The following GAS2L3 variants were observed in gnomAD, a reference collection of about 807,000 sequenced individuals.
The protein encoded by GAS2L3 is growth arrest specific 2 like 3.
Under a neutral mutation model 37.0 loss-of-function variants are expected in GAS2L3, and 28 were observed. The ratio of observed to expected loss-of-function variants is 0.76; its 90% confidence interval spans 0.56 to 1.04. The LOEUF (loss-of-function observed/expected upper bound fraction) is 1.04, where lower values mean the gene tolerates loss of function less well. Among genes scored for constraint, GAS2L3 ranks in the 50% least tolerant of loss-of-function variants. The pLI, the probability that GAS2L3 is intolerant of heterozygous loss-of-function variation, is 0.00. For synonymous variants in GAS2L3, 290 were observed against 296.6 expected, an observed-to-expected ratio of 0.98 and a Z score of 0.23; for missense variants, 793 against 817.6, an observed-to-expected ratio of 0.97 and a Z score of 0.37.
At chr12:100,579,419 A>G in intron 1 of GAS2L3, 1 of 968,738 alleles carries the variant, frequency 1.0e-6, no homozygotes, top group East Asian at 2.4e-5. Context: ...GCATGATAGT[A>G]TAACTATTGT....
chr12:100,606,616 A>G (rs931475596), intron 5 of GAS2L3, among the ~76,000 whole-genome samples: 9 of 151,754 alleles, frequency 5.9e-5, no homozygotes, highest in Admixed American at 5.9e-4. Flanking sequence ...CTCTGGTGGT[A>G]TGCTTTAATT....
At chr12:100,578,877 A>G (rs1955671497) in intron 1 of GAS2L3, 2 of 779,580 alleles carry the variant, frequency 2.6e-6, no homozygotes, top group East Asian at 5.1e-5. Flanking sequence ...TTCTACCCAA[A>G]TATGGGAGGT....
intron 2 of GAS2L3, among the ~76,000 whole-genome samples, chr12:100,592,779 G>C (rs1027997938): frequency 6.6e-6 from 1 of 152,060 alleles, no homozygotes; most frequent in East Asian, 1.9e-4. Context: ...ACTTGGTTAC[G>C]TGAGAGGTCT....
chr12:100,622,749 T>TAAA, intron 9 of GAS2L3, among the ~76,000 whole-genome samples: 431 of 26,872 alleles, frequency 0.016, 47 homozygotes, highest in East Asian at 0.039. Flanking sequence ...GTATCCATAG[T>TAAA]AAAAAAAAAA....
chr12:100,620,967 G>A (rs1956245100), intron 8 of GAS2L3, among the ~76,000 whole-genome samples: 1 of 151,958 alleles, frequency 6.6e-6, no homozygotes, highest in Admixed American at 6.6e-5. Context: ...AACTTGATTG[G>A]GTGACTTATG....
chr12:100,596,590 T>G (rs1955915260), intron 3 of GAS2L3, among the ~76,000 whole-genome samples: 1 of 152,098 alleles, frequency 6.6e-6, no homozygotes, highest in Admixed American at 6.6e-5. Flanking sequence ...ATTAGACAGT[T>G]ACTTGGTTAT....
chr12:100,602,424 A>G (rs1565805793), intron 5 of GAS2L3, among the ~76,000 whole-genome samples: 1 of 151,910 alleles, frequency 6.6e-6, no homozygotes, highest in East Asian at 1.9e-4. Context: ...GAGTATCATC[A>G]TTCTGGGGGA....
At position 100,628,152 on chromosome 12, in the gene GAS2L3, G is replaced by A. The variant is rs1956349507; in HGVS notation, c.*3262G>A. 1 of 152,134 alleles carries A rather than the reference G, an allele frequency of 6.6e-6. No homozygotes were observed. Among genetic ancestry groups the A allele is most frequent in the African/African-American group, 2.4e-5 (1 of 41,436 alleles). 9.4% of individuals were successfully genotyped at this position (152,134 alleles called of 1,614,324 possible). A position where few individuals can be genotyped will look rare whatever the true frequency, so the allele number is the denominator to read the frequency against. On this transcript the variant is annotated 3_prime_UTR_variant, in exon 10 of 10. Coordinates refer to ENST00000547754, the MANE Select transcript of GAS2L3 (RefSeq NM_174942.3). ...AAAGGCTTCAACAACAGGTTGTTAG[G>A]ATGTAGTCTTACATCCAGGTTCACA...
At position 100,612,111 on chromosome 12, in the gene GAS2L3, G is replaced by A. The variant is rs1406301560; in HGVS notation, c.415G>A (p.Glu139Lys). 1.9e-6 allele frequency: 3 copies of A among 1,613,314 alleles called. No individual in the cohort carries two copies. The highest frequency in any genetic ancestry group is 2.5e-6 in the Non-Finnish European group (3 of 1,179,506). Reference protein sequence around the residue: ...LHWCRDIGVDETYLFESEGLV... With the variant: ...LHWCRDIGVDKTYLFESEGLV... ...CTGGTGTAGGGACATTGGGGTTGAT[G>A]AAACTTACCTCTTTGAATCTGAAGG... is the stretch of plus-strand genomic sequence containing the variant. The change falls in exon 6 of 10, where the codon GAA becomes AAA. Residue 139 changes from glutamate (E) to lysine (K), a missense_variant. By Grantham distance (56) the Glu-to-Lys change is moderately conservative. Coordinates refer to ENST00000547754, the MANE Select transcript of GAS2L3 (RefSeq NM_174942.3).
intron 1 of GAS2L3, among the ~76,000 whole-genome samples, chr12:100,574,770 A>G (rs1955614550): frequency 6.6e-6 from 1 of 152,226 alleles, no homozygotes; most frequent in South Asian, 2.1e-4. Flanking sequence ...CTGTCTTGGC[A>G]CTTAAATGAT....
intron 1 of GAS2L3, chr12:100,580,160 G>A (rs1955692950): frequency 1.3e-6 from 1 of 765,740 alleles, no homozygotes; most frequent in Non-Finnish European, 2.4e-6. Flanking sequence ...CACAGTAAAA[G>A]AGGGGGTGAG....
At chr12:100,601,553 G>T in intron 4 of GAS2L3, 85 bp from the exon 5 acceptor site, 1 of 723,204 alleles carries the variant, frequency 1.4e-6, no homozygotes, top group Admixed American at 2.0e-5. Context: ...CTAGTGTTTT[G>T]CTGTAATCTG....
In GAS2L3 at chr12:100,623,720, T is replaced by C. The variant is rs1292238874; in HGVS notation, c.915T>C (p.Pro305=). The change falls in exon 10 of 10, where the codon CCT becomes CCC. Residue 305 remains proline, a synonymous_variant. Coordinates refer to ENST00000547754, the MANE Select transcript of GAS2L3 (RefSeq NM_174942.3). ...FQKGVSNESV[P]DSPARTPQPP... The stretch of plus-strand genomic sequence containing the variant: ...AAGGAGTTTCTAATGAAAGTGTACC[T>C]GATTCGCCTGCCAGAACACCTCAGC... 1 of 1,614,024 alleles carries C rather than the reference T, an allele frequency of 6.2e-7. No individual in the cohort carries two copies. Among genetic ancestry groups the C allele is most frequent in the South Asian group, 1.1e-5 (1 of 91,084 alleles).
chr12:100,594,887 AT>A lies in GAS2L3; in HGVS notation c.-15del. On this transcript the variant is annotated 5_prime_UTR_variant, in exon 3 of 10. The change abolishes the stop of an existing upstream ORF in the 5' untranslated region. Coordinates refer to ENST00000547754, the MANE Select transcript of GAS2L3 (RefSeq NM_174942.3). ...GTTCTTTTTTCAGAAAAGAAATTTCATTTCAATATAGGTGACTATGCAGCCT... is the reference window on the plus strand; with the variant it reads ...GTTCTTTTTTCAGAAAAGAAATTTCATTCAATATAGGTGACTATGCAGCCT... The A allele has an allele frequency of 1.5e-6, 2 of 1,311,360 alleles. No individual in the cohort carries two copies. The highest frequency in any genetic ancestry group is 2.1e-6 in the Non-Finnish European group (2 of 973,876). 81.2% of individuals were successfully genotyped at this position (1,311,360 alleles called of 1,614,324 possible). A position where few individuals can be genotyped will look rare whatever the true frequency, so the allele number is the denominator to read the frequency against.
chr12:100,599,267 G>T (rs189777663), intron 3 of GAS2L3, among the ~76,000 whole-genome samples: 229 of 152,236 alleles, frequency 1.5e-3, no homozygotes, highest in African/African-American at 5.3e-3. Flanking sequence ...ACCATCTGAA[G>T]AATTGATACA....
intron 6 of GAS2L3, among the ~76,000 whole-genome samples, chr12:100,616,735 C>A (rs1956192271): frequency 6.6e-6 from 1 of 152,208 alleles, no homozygotes; most frequent in African/African-American, 2.4e-5. Context: ...AGGTGTGAGC[C>A]ACCATGTCTG....
intron 6 of GAS2L3, among the ~76,000 whole-genome samples, chr12:100,616,687 G>T (rs1956191773): frequency 6.6e-6 from 1 of 152,060 alleles, no homozygotes. Flanking sequence ...AGCCTCAAGC[G>T]ATCTTCCCGC....
chr12:100,621,529 G>C (rs1377622690), intron 8 of GAS2L3, among the ~76,000 whole-genome samples: 1 of 151,930 alleles, frequency 6.6e-6, no homozygotes, highest in African/African-American at 2.4e-5. Context: ...TACTGAAACA[G>C]AGCATTTTTA....
chr12:100,576,065 G>A (rs1164443152), intron 1 of GAS2L3, among the ~76,000 whole-genome samples: 1 of 152,068 alleles, frequency 6.6e-6, no homozygotes, highest in Non-Finnish European at 1.5e-5. Context: ...CATGCTATTA[G>A]TAAAAAAAAC....
Sources: allele counts gnomAD v4.1 joint callset (sites outside exome capture counted in the v4.1 genomes callset), GRCh38; gene constraint gnomAD v4.1.1; transcripts MANE v1.5; gene names NCBI Gene and HGNC (gene_info 2026-07-23, HGNC 2026-07-21).